Variants in COL4A4 observed in about 807,000 individuals in gnomAD.
The protein encoded by COL4A4 is collagen alpha-4(IV) chain.
In COL4A4, 105 loss-of-function variants were observed where a neutral mutation model predicts 192.9. That is an observed-to-expected ratio of 0.54 (90% CI 0.46 to 0.64). The LOEUF is 0.64. Ranked by LOEUF, COL4A4 falls within the 30% of genes least tolerant of loss-of-function variation. The probability of loss-of-function intolerance (pLI) is 0.00; values close to 1 mark genes in which losing one functional copy is unlikely to be tolerated. For missense variants in COL4A4, 1,967 were observed against 2,169.3 expected, an observed-to-expected ratio of 0.91 and a Z score of 1.85; for synonymous variants, 762 against 769.9, an observed-to-expected ratio of 0.99 and a Z score of 0.17.
At position 227,008,050 on chromosome 2, in the gene COL4A4, T is replaced by G. The variant is rs757200282; in HGVS notation, c.4777A>C (p.Arg1593=). The G allele has an allele frequency of 1.4e-5, 23 of 1,613,354 alleles. No individual in the cohort carries two copies. The highest frequency in any genetic ancestry group is 1.6e-4 in the Middle Eastern group (1 of 6,084). ...QSIPPCPQTW[R]SLWIGYSFLM... is the part of the protein sequence containing the mutation. ...AATGAATACCCGATCCAGAGGCTCC[T>G]CCAGGTCTGCGGACATGGGGGGATG... The change falls in exon 47 of 48, where the codon AGG becomes CGG. Residue 1593 remains arginine, a synonymous_variant. Coordinates refer to ENST00000396625, the MANE Select transcript of COL4A4 (RefSeq NM_000092.5).
Position 227,005,523 on chromosome 2 carries a change from A to T in COL4A4, c.*1802T>A, listed in dbSNP as rs886055713. 5.3e-5 allele frequency: 8 copies of T among 152,246 alleles called. No individual in the cohort carries two copies. The highest frequency in any genetic ancestry group is 1.0e-4 in the Non-Finnish European group (7 of 68,050). The allele number at this position is 152,246 out of a possible 1,614,324, so 9.4% of individuals were successfully genotyped here. A position where few individuals can be genotyped will look rare whatever the true frequency, so the allele number is the denominator to read the frequency against. On this transcript the variant is annotated 3_prime_UTR_variant, in exon 48 of 48. Coordinates refer to ENST00000396625, the MANE Select transcript of COL4A4 (RefSeq NM_000092.5). The stretch of plus-strand genomic sequence containing the variant: ...TAAAAAATATCAAATGGGTCAAATG[A>T]ACTAGGAAATATTCTGCTACATCAA...
chr2:226,996,849 TTAAAAA>T, the COL4A4 span: 2 of 152,198 alleles, frequency 1.3e-5, no homozygotes, highest in African/African-American at 4.8e-5. Flanking sequence ...GAAAACAGAC[TTAAAAA>T]TAAATACTAT....
At chr2:227,089,298 A>G (rs1257541788) in intron 21 of COL4A4, among the ~76,000 whole-genome samples, 2 of 151,984 alleles carry the variant, frequency 1.3e-5, no homozygotes, top group African/African-American at 4.8e-5. Context: ...ATTCACCACA[A>G]TGCATTTTCC....
chr2:227,082,490 G>T, intron 22 of COL4A4, among the ~76,000 whole-genome samples: 1 of 152,228 alleles, frequency 6.6e-6, no homozygotes, highest in East Asian at 1.9e-4. Context: ...ATGTAAATAT[G>T]GTTATGTGTA....
intron 9 of COL4A4, 70 bp from the exon 10 acceptor site, chr2:227,109,356 G>T: frequency 8.2e-7 from 1 of 1,220,932 alleles, no homozygotes; most frequent in Non-Finnish European, 1.2e-6. Context: ...AGAGTTGCGT[G>T]TGATCCCATG....
chr2:227,089,393 C>T (rs1326126268), intron 21 of COL4A4, among the ~76,000 whole-genome samples: 1 of 151,810 alleles, frequency 6.6e-6, no homozygotes, highest in Non-Finnish European at 1.5e-5. Context: ...ACCCACCTGA[C>T]TCAGTTGCCC....
chr2:227,010,121 G>A (rs1018476069), intron 46 of COL4A4, among the ~76,000 whole-genome samples, 192 bp downstream of exon 46: 2 of 152,190 alleles, frequency 1.3e-5, no homozygotes, highest in Non-Finnish European at 2.9e-5. Flanking sequence ...TAGCCAGAAT[G>A]AGCTTCTTTG....
At chr2:226,986,657 C>T in the COL4A4 span, among the ~76,000 whole-genome samples, 1 of 152,044 alleles carries the variant, frequency 6.6e-6, no homozygotes, top group Non-Finnish European at 1.5e-5. Flanking sequence ...GTTAGAATAG[C>T]GATCACTAAA....
intron 29 of COL4A4, among the ~76,000 whole-genome samples, chr2:227,056,328 A>T (rs184537331): frequency 6.6e-6 from 1 of 152,360 alleles, no homozygotes; most frequent in Non-Finnish European, 1.5e-5. Context: ...AATGTTTCCC[A>T]GTAGGGATGA....
At chr2:227,098,879 C>T (rs1392340711) in intron 18 of COL4A4, 81 bp from the exon 19 acceptor site, 1 of 1,149,164 alleles carries the variant, frequency 8.7e-7, no homozygotes, top group East Asian at 2.4e-5. Context: ...TTTTGTGAGA[C>T]TCAGTAAAGT....
At chr2:227,111,454 A>G (rs755371480) in intron 9 of COL4A4, among the ~76,000 whole-genome samples, 10 of 152,190 alleles carry the variant, frequency 6.6e-5, no homozygotes, top group Non-Finnish European at 1.2e-4. Flanking sequence ...CTTCAAGTAC[A>G]GCTTCATGGG....
intron 4 of COL4A4, among the ~76,000 whole-genome samples, chr2:227,126,497 T>C (rs1424876430): frequency 6.6e-6 from 1 of 152,250 alleles, no homozygotes; most frequent in Non-Finnish European, 1.5e-5. Flanking sequence ...ATGTAGGTGT[T>C]GTTATGCCTT....
At position 227,056,024 on chromosome 2, in the gene COL4A4, C is replaced by T. The variant is rs1264872574; in HGVS notation, c.2637G>A (p.Gly879=). The T allele has an allele frequency of 6.2e-7, 1 of 1,613,940 alleles. No homozygotes were observed. Among genetic ancestry groups the T allele is most frequent in the East Asian group, 2.2e-5 (1 of 44,866 alleles). The part of the protein sequence containing the change: ...KGLPGLPGRP[G]AHGPPGLPGI... ...CTGGGAGGCCTGGGGGACCATGTGCCCCAGGCCGTCCTGGGAGTCCGGGGA... is the reference window on the plus strand; with the variant it reads ...CTGGGAGGCCTGGGGGACCATGTGCTCCAGGCCGTCCTGGGAGTCCGGGGA... Residue 879 remains glycine, a synonymous_variant, in exon 30 of 48, where the codon GGG becomes GGA. Transcript: ENST00000396625.
intron 19 of COL4A4, 66 bp downstream of exon 19, chr2:227,098,628 A>G: frequency 8.4e-7 from 1 of 1,192,654 alleles, no homozygotes; most frequent in South Asian, 1.2e-5. Context: ...GTTGAAAGCT[A>G]CTGGTGCTGA....
intron 21 of COL4A4, 25 bp from the exon 22 acceptor site, chr2:227,088,841 T>C (rs776205503): frequency 6.2e-7 from 1 of 1,613,680 alleles, no homozygotes; most frequent in South Asian, 1.1e-5. Context: ...AATGGCAGAT[T>C]TGTCATATTT....
chr2:227,044,847 C>G (rs1972123649), intron 35 of COL4A4, among the ~76,000 whole-genome samples: 1 of 152,150 alleles, frequency 6.6e-6, no homozygotes, highest in Admixed American at 6.6e-5. Flanking sequence ...TAAGTAAACT[C>G]TGTGCTAGTG....
intron 19 of COL4A4, among the ~76,000 whole-genome samples, chr2:227,096,186 T>C (rs895123844): frequency 6.6e-6 from 1 of 152,114 alleles, no homozygotes; most frequent in Non-Finnish European, 1.5e-5. Flanking sequence ...TGAGCTACCA[T>C]ATAAGCAATG....
chr2:227,103,156 T>C lies in COL4A4; in HGVS notation c.858A>G (p.Pro286=), dbSNP rs374173741. The C allele has an allele frequency of 2.2e-5, 36 of 1,611,920 alleles. No homozygotes were observed. The highest frequency in any genetic ancestry group is 3.1e-5 in the Non-Finnish European group (36 of 1,179,128). ...TTAAATAAACTACCTTGCGTCCTGGTGGTCCTGGCAGTCCAACCATTCCAG... is the reference window on the plus strand; with the variant it reads ...TTAAATAAACTACCTTGCGTCCTGGCGGTCCTGGCAGTCCAACCATTCCAG... ...GIPGMVGLPG[P]PGRKGESGIG... The change falls in exon 14 of 48, where the codon CCA becomes CCG. Residue 286 remains proline, a synonymous_variant. Transcript: ENST00000396625.
At chr2:227,027,816 G>T in intron 42 of COL4A4, 86 bp downstream of exon 42, 1 of 953,326 alleles carries the variant, frequency 1.0e-6, no homozygotes, top group Non-Finnish European at 1.7e-6. Context: ...GAATGTGCTA[G>T]TAATTCAGAA....
Sources: gnomAD v4.1 joint callset for allele counts (sites outside exome capture counted in the v4.1 genomes callset) on GRCh38, gnomAD v4.1.1 for gene constraint, MANE v1.5 for transcripts, NCBI Gene and HGNC (gene_info 2026-07-23, HGNC 2026-07-21) for gene names.